UBE2Q2: variants seen among roughly 807,000 people sequenced by gnomAD.
UBE2Q2 encodes ubiquitin-conjugating enzyme E2 Q2.
In UBE2Q2, 54 loss-of-function variants were observed where a neutral mutation model predicts 59.9. That is an observed-to-expected ratio of 0.90 (90% CI 0.72 to 1.13). The LOEUF (loss-of-function observed/expected upper bound fraction) is 1.13. UBE2Q2 is among the 50% of genes most tolerant of loss of function. The pLI is 0.00. For missense variants in UBE2Q2, 433 were observed against 441.9 expected (o/e 0.98, Z 0.18); for synonymous variants, 165 against 155.2 (o/e 1.06, Z -0.47).
At chr15:75,879,658 C>T (rs1021587902) in intron 8 of UBE2Q2, among the ~76,000 whole-genome samples, 3 of 152,100 alleles carry the variant, frequency 2.0e-5, no homozygotes, top group African/African-American at 7.2e-5. Context: ...ACAATCTTAG[C>T]TATTAAAATG....
chr15:75,857,156 C>T (rs1333014367), intron 2 of UBE2Q2, among the ~76,000 whole-genome samples: 1 of 152,060 alleles, frequency 6.6e-6, no homozygotes, highest in Non-Finnish European at 1.5e-5. Flanking sequence ...GTATGGAGAG[C>T]CATGAAGGTA....
At chr15:75,852,392 G>A (rs1595855471) in intron 1 of UBE2Q2, among the ~76,000 whole-genome samples, 2 of 152,170 alleles carry the variant, frequency 1.3e-5, no homozygotes, top group Non-Finnish European at 2.9e-5. Context: ...GGACCTGGGG[G>A]TCTGAGGTCC....
chr15:75,891,902 T>C (rs568845645), intron 11 of UBE2Q2, among the ~76,000 whole-genome samples: 1 of 152,184 alleles, frequency 6.6e-6, no homozygotes, highest in Non-Finnish European at 1.5e-5. Context: ...TTGAGTTAAA[T>C]AGTGAAATCC....
chr15:75,881,202 C>T (rs1402439511), intron 8 of UBE2Q2, among the ~76,000 whole-genome samples: 4 of 151,954 alleles, frequency 2.6e-5, no homozygotes, highest in Non-Finnish European at 4.4e-5. Context: ...ATTATATGTC[C>T]TTATGCCTAA....
Position 75,863,759 on chromosome 15 carries a change from C to T in UBE2Q2, c.387+3777C>T, listed in dbSNP as rs1016373318. ...GTGGGTTCAAGCGATTCTCCTGCCT[C>T]AGTCTCCCCAGTAGCTGGGATTACA... On this transcript the variant is annotated intron_variant, in intron 3 of 12. Coordinates refer to ENST00000267938, the MANE Select transcript of UBE2Q2 (RefSeq NM_173469.4). Among the ~76,000 whole-genome samples the T allele has an allele frequency of 3.3e-5, 5 of 152,070 alleles. No homozygotes were observed. The East Asian group carries it at 9.6e-4, about 29-fold the overall frequency.
chr15:75,873,103 T>C (rs1897884189), intron 4 of UBE2Q2, among the ~76,000 whole-genome samples: 1 of 152,218 alleles, frequency 6.6e-6, no homozygotes, highest in South Asian at 2.1e-4. Flanking sequence ...TAGGAACACT[T>C]AAGGTTCTTG....
Position 75,868,986 on chromosome 15 carries a change from GGAA to G in UBE2Q2, c.435_437del (p.Glu146del), listed in dbSNP as rs756670016. On this transcript the variant is annotated inframe_deletion, in exon 4 of 13. Transcript: ENST00000267938. Reference sequence around the variant, plus strand: ...CAGAAGAAGTGACTTCAGAAGAAGAGGAAGAAGAAGAAGAGATGGCTGAAGTAG... The same window carrying G: ...CAGAAGAAGTGACTTCAGAAGAAGAGGAAGAAGAAGAGATGGCTGAAGTAG... The G allele has an allele frequency of 4.5e-5, 73 of 1,612,384 alleles. No individual in the cohort carries two copies. The highest frequency in any genetic ancestry group is 1.7e-4 in the Middle Eastern group (1 of 6,044).
At chr15:75,882,862 C>T (rs1205220057) in intron 8 of UBE2Q2, among the ~76,000 whole-genome samples, 1 of 152,076 alleles carries the variant, frequency 6.6e-6, no homozygotes, top group Non-Finnish European at 1.5e-5. Context: ...GGCCTGTCCT[C>T]GGTGGACGCT....
rs1172791159 is a variant in UBE2Q2 at position 75,854,186 on chromosome 15, CT to C, written c.181-199del. 2.0e-5 allele frequency among the ~76,000 whole-genome samples: 3 copies of C among 152,156 alleles called. No homozygotes were observed. In the East Asian group the frequency reaches 5.8e-4, roughly 29 times the overall value. ...GAAGAAAATCATTGACTTCTATGAG[CT>C]GTAGCAACAGACAGTGCTATGCAAG... On this transcript the variant is annotated intron_variant, in intron 1 of 12. Coordinates refer to ENST00000267938, the MANE Select transcript of UBE2Q2 (RefSeq NM_173469.4).
intron 4 of UBE2Q2, among the ~76,000 whole-genome samples, chr15:75,869,471 T>C (rs943815232): frequency 2.6e-5 from 4 of 152,226 alleles, no homozygotes; most frequent in African/African-American, 9.6e-5. Context: ...AACAGAATAC[T>C]GGAGACTGGG....
chr15:75,880,481 A>G (rs1898344377), intron 8 of UBE2Q2, among the ~76,000 whole-genome samples: 1 of 147,900 alleles, frequency 6.8e-6, no homozygotes, highest in African/African-American at 2.5e-5. Context: ...AAAAATGTTA[A>G]TGATTTTTTT....
At chr15:75,889,169 A>C (rs1480200810) in intron 9 of UBE2Q2, among the ~76,000 whole-genome samples, 1 of 152,252 alleles carries the variant, frequency 6.6e-6, no homozygotes, top group Non-Finnish European at 1.5e-5. Context: ...TGTTTCAGAA[A>C]TAGAATACAC....
Position 75,899,416 on chromosome 15 carries a change from T to G in UBE2Q2, c.1097-11T>G. 6.4e-7 allele frequency: 1 copy of G among 1,568,516 alleles called. No homozygotes were observed. The highest frequency in any genetic ancestry group is 8.6e-7 in the Non-Finnish European group (1 of 1,159,736). On this transcript the variant is annotated splice_polypyrimidine_tract_variant and intron_variant, in intron 12 of 12. Transcript: ENST00000267938. The stretch of plus-strand genomic sequence containing the variant: ...AATTATTTTAACTTTTTTTTTTTCA[T>G]TCTATTTCAGGCTGGTACACCCCTC...
intron 8 of UBE2Q2, among the ~76,000 whole-genome samples, chr15:75,881,088 T>C (rs555364963): frequency 6.6e-6 from 1 of 152,248 alleles, no homozygotes; most frequent in South Asian, 2.1e-4. Flanking sequence ...TGCTAATGGC[T>C]ACATTTTTAC....
chr15:75,868,938 T>G lies in UBE2Q2; in HGVS notation c.388-13T>G, dbSNP rs1472734454. On this transcript the variant is annotated splice_polypyrimidine_tract_variant and intron_variant, in intron 3 of 12. Coordinates refer to ENST00000267938, the MANE Select transcript of UBE2Q2 (RefSeq NM_173469.4). Reference sequence around the variant, plus strand: ...GTTCTGTATAGCCCTGGCAGATTCTTTCTCTGTTTCAGAATGGGACAACAG... The same window carrying G: ...GTTCTGTATAGCCCTGGCAGATTCTGTCTCTGTTTCAGAATGGGACAACAG... 9 of 1,612,588 alleles carry G rather than the reference T, an allele frequency of 5.6e-6. No homozygotes were observed. The highest frequency in any genetic ancestry group is 7.6e-6 in the Non-Finnish European group (9 of 1,178,936).
chr15:75,878,095 C>A, intron 7 of UBE2Q2, 74 bp downstream of exon 7: 1 of 1,273,228 alleles, frequency 7.9e-7, no homozygotes, highest in Non-Finnish European at 1.1e-6. Context: ...TTCCTTCTAA[C>A]TTGATACCTT....
intron 4 of UBE2Q2, 33 bp from the exon 5 acceptor site, chr15:75,873,394 GT>G: frequency 6.4e-7 from 1 of 1,555,858 alleles, no homozygotes. Flanking sequence ...AGAAAAATAG[GT>G]TGAATAAGCT....
At chr15:75,893,526 T>C (rs1899221547) in intron 11 of UBE2Q2, among the ~76,000 whole-genome samples, 2 of 152,184 alleles carry the variant, frequency 1.3e-5, no homozygotes, top group Admixed American at 6.5e-5. Context: ...TGTGTACTAC[T>C]AGTAAGATAA....
chr15:75,877,990 A>C lies in UBE2Q2; in HGVS notation c.703A>C (p.Ser235Arg), dbSNP rs758001661. Reference sequence around the variant, plus strand: ...TTATTCAGTGGAACTCATAAATGACAGTTTATATGACTGGCATGTTAAACT... The same window carrying C: ...TTATTCAGTGGAACTCATAAATGACCGTTTATATGACTGGCATGTTAAACT... ...GIYSVELINDSLYDWHVKLQK... is the reference protein window; with the variant it reads ...GIYSVELINDRLYDWHVKLQK... The change falls in exon 7 of 13, where the codon AGT becomes CGT. Residue 235 changes from serine to arginine, a missense_variant. Physicochemically the swap from Ser to Arg is moderately radical, Grantham distance 110 (BLOSUM62 -1). Transcript: ENST00000267938. 6.2e-7 allele frequency: 1 copy of C among 1,613,828 alleles called. No homozygotes were observed.
Sources: gnomAD v4.1 joint callset for allele counts (sites outside exome capture counted in the v4.1 genomes callset) on GRCh38, gnomAD v4.1.1 for gene constraint, MANE v1.5 for transcripts, NCBI Gene and HGNC (gene_info 2026-07-23, HGNC 2026-07-21) for gene names.